The following AGAP1 variants were observed in gnomAD, a reference collection of about 807,000 sequenced individuals.
AGAP1 encodes the protein arf-GAP with GTPase, ANK repeat and PH domain-containing protein 1.
In AGAP1, 29 loss-of-function variants were observed where a neutral mutation model predicts 105.3. That is an observed-to-expected ratio of 0.28 (90% confidence interval 0.21 to 0.38). The LOEUF (loss-of-function observed/expected upper bound fraction) is 0.38, where lower values mean the gene tolerates loss of function less well. AGAP1 is among the 10% of genes least tolerant of loss of function. AGAP1 has a pLI of 1.00. For missense variants in AGAP1, 998 were observed against 1,165.1 expected, an observed-to-expected ratio of 0.86 and a Z score of 2.09; for synonymous variants, 509 against 485.9, an observed-to-expected ratio of 1.05 and a Z score of -0.63.
Position 235,615,910 on chromosome 2 carries a change from G to A in AGAP1, c.164-93269G>A, listed in dbSNP as rs2149262523. Among the ~76,000 whole-genome samples, 1 of 152,158 alleles carries A rather than the reference G, an allele frequency of 6.6e-6. No individual in the cohort carries two copies. Among genetic ancestry groups the A allele is most frequent in the African/African-American group, 2.4e-5 (1 of 41,514 alleles). The stretch of plus-strand genomic sequence containing the variant: ...AACAAAAATATGTATTACATATAGA[G>A]CATTGTCTTCTATATGTAAAGAGTT... On this transcript the variant is annotated intron_variant, in intron 1 of 17. Coordinates refer to ENST00000304032, the MANE Select transcript of AGAP1 (RefSeq NM_001037131.3). This position sits in a 1 kb window ranked among gnomAD's most constrained non-coding sequence, Gnocchi z 5.0.
At chr2:235,876,846 C>CTTTTT in intron 9 of AGAP1, among the ~76,000 whole-genome samples, 1 of 131,504 alleles carries the variant, frequency 7.6e-6, no homozygotes, top group Non-Finnish European at 1.6e-5. Flanking sequence ...GGTGTGGAAC[C>CTTTTT]TTTTTTTTTT....
chr2:235,699,274 G>A (rs974179962), intron 1 of AGAP1, among the ~76,000 whole-genome samples: 11 of 152,276 alleles, frequency 7.2e-5, no homozygotes, highest in Non-Finnish European at 1.5e-4. Flanking sequence ...GAGACCTCCT[G>A]TAGATACAGG....
intron 1 of AGAP1, among the ~76,000 whole-genome samples, chr2:235,509,716 CTG>C (rs1263015563): frequency 6.6e-6 from 1 of 152,080 alleles, no homozygotes; most frequent in Non-Finnish European, 1.5e-5. Flanking sequence ...CTGTCTGTCA[CTG>C]TGGATTAGTT....
intron 1 of AGAP1, among the ~76,000 whole-genome samples, chr2:235,496,397 G>T (rs1317962080): frequency 6.6e-6 from 1 of 152,188 alleles, no homozygotes; most frequent in East Asian, 1.9e-4. Flanking sequence ...ATGAGTGGCG[G>T]TGGGACCTGG....
At position 235,599,128 on chromosome 2, in the gene AGAP1, C is replaced by G. The variant is rs898084501; in HGVS notation, c.163+104279C>G. Among the ~76,000 whole-genome samples, 1 of 152,146 alleles carries G rather than the reference C, an allele frequency of 6.6e-6. No individual in the cohort carries two copies. Among genetic ancestry groups the G allele is most frequent in the Non-Finnish European group, 1.5e-5 (1 of 68,040 alleles). On this transcript the variant is annotated intron_variant, in intron 1 of 17. Coordinates refer to ENST00000304032, the MANE Select transcript of AGAP1 (RefSeq NM_001037131.3). The surrounding 1 kb of genome is among the most constrained non-coding windows in gnomAD (Gnocchi z 5.3). ...CATTTGAGATGCTGCTTCTATTTTT[C>G]CTTGTGGAGAACTTACTTGACGCCA...
chr2:235,688,912 A>T (rs1162569217), intron 1 of AGAP1, among the ~76,000 whole-genome samples: 1 of 152,162 alleles, frequency 6.6e-6, no homozygotes, highest in African/African-American at 2.4e-5. Context: ...GCTGTGTCAC[A>T]GTAACGCAAT....
chr2:235,843,945 T>A lies in AGAP1; in HGVS notation c.1050+36614T>A, dbSNP rs1345189400. On this transcript the variant is annotated intron_variant, in intron 9 of 17. Transcript: ENST00000304032. This position sits in a 1 kb window ranked among gnomAD's most constrained non-coding sequence, Gnocchi z 5.9. Reference sequence around the variant, plus strand: ...CCTGCTTCCCAGCATGGCCTCACATTGTCATCAGTGTCACTCAGGACCTTG... The same window carrying A: ...CCTGCTTCCCAGCATGGCCTCACATAGTCATCAGTGTCACTCAGGACCTTG... Among the ~76,000 whole-genome samples, 1 of 152,212 alleles carries A rather than the reference T, an allele frequency of 6.6e-6. No individual in the cohort carries two copies. Among genetic ancestry groups the A allele is most frequent in the Admixed American group, 6.5e-5 (1 of 15,290 alleles).
At chr2:235,648,107 A>C (rs1559312842) in intron 1 of AGAP1, among the ~76,000 whole-genome samples, 1 of 152,178 alleles carries the variant, frequency 6.6e-6, no homozygotes, top group Non-Finnish European at 1.5e-5. Context: ...GCTTTAGCTA[A>C]TTACATTGTG....
intron 1 of AGAP1, among the ~76,000 whole-genome samples, chr2:235,571,932 TTGTGTG>T (rs141898525): frequency 2.8e-4 from 29 of 103,656 alleles, no homozygotes; most frequent in South Asian, 8.5e-4. Context: ...TGCCCACACT[TTGTGTG>T]TGTGTGTGTG....
Position 235,960,855 on chromosome 2 carries a change from C to T in AGAP1, c.1484-7607C>T, listed in dbSNP as rs958428044. Among the ~76,000 whole-genome samples, 1 of 152,280 alleles carries T rather than the reference C, an allele frequency of 6.6e-6. No individual in the cohort carries two copies. Reference sequence around the variant, plus strand: ...CAGTCGTTCGCCTAAAAATAGATTCCAAATGGTTGGAAACTCATAGGACAG... The same window carrying T: ...CAGTCGTTCGCCTAAAAATAGATTCTAAATGGTTGGAAACTCATAGGACAG... On this transcript the variant is annotated intron_variant, in intron 12 of 17. Coordinates refer to ENST00000304032, the MANE Select transcript of AGAP1 (RefSeq NM_001037131.3). The surrounding 1 kb of genome is among the most constrained non-coding windows in gnomAD (Gnocchi z 4.9).
rs1443611367 is a variant in AGAP1 at position 236,095,770 on chromosome 2, CT to C, written c.2115-24421del. Among the ~76,000 whole-genome samples, 1 of 152,124 alleles carries C rather than the reference CT, an allele frequency of 6.6e-6. No homozygotes were observed. The highest frequency in any genetic ancestry group is 2.4e-5 in the African/African-American group (1 of 41,424). ...TATGAAGAAGTATATTAGTTCAGGG[CT>C]AGATTATGGATAGTTGCACAGAGAT... On this transcript the variant is annotated intron_variant, in intron 16 of 17. Coordinates refer to ENST00000304032, the MANE Select transcript of AGAP1 (RefSeq NM_001037131.3). This position sits in a 1 kb window ranked among gnomAD's most constrained non-coding sequence, Gnocchi z 4.1.
chr2:235,758,134 G>A (rs183735190), intron 6 of AGAP1, among the ~76,000 whole-genome samples: 1 of 150,472 alleles, frequency 6.6e-6, no homozygotes, highest in East Asian at 1.9e-4. Context: ...TAGTGTGTGT[G>A]TGCATGCGTG....
rs2059597139 is a variant in AGAP1, at chr2:236,109,717, A to G, written c.2115-10475A>G. Among the ~76,000 whole-genome samples the G allele has an allele frequency of 6.6e-6, 1 of 152,198 alleles. No homozygotes were observed. The highest frequency in any genetic ancestry group is 1.5e-5 in the Non-Finnish European group (1 of 68,032). ...GAAACGTTCTGGATCCGAGCATCCC[A>G]GGGTAGCAGCTGCCAACCACATACT... On this transcript the variant is annotated intron_variant, in intron 16 of 17. Coordinates refer to ENST00000304032, the MANE Select transcript of AGAP1 (RefSeq NM_001037131.3). The surrounding 1 kb of genome is among the most constrained non-coding windows in gnomAD (Gnocchi z 5.4).
In AGAP1 at chr2:236,125,873, T is replaced by G. The variant is rs1430096377; in HGVS notation, c.*1751T>G. 1 of 152,078 alleles carries G rather than the reference T, an allele frequency of 6.6e-6. No individual in the cohort carries two copies. The highest frequency in any genetic ancestry group is 2.4e-5 in the African/African-American group (1 of 41,394). 9.4% of individuals were successfully genotyped at this position (152,078 alleles called of 1,614,324 possible). On this transcript the variant is annotated 3_prime_UTR_variant, in exon 18 of 18. Transcript: ENST00000304032. The surrounding 1 kb of genome is among the most constrained non-coding windows in gnomAD (Gnocchi z 5.2). The stretch of plus-strand genomic sequence containing the variant: ...AGCTTTGCCTAGAGCTCATTGACAG[T>G]GTGATGGGGGGAGAAGGGTTGTCAC...
rs1941222752 is a variant in AGAP1, at chr2:235,494,594, G to A, written c.-93G>A. The A allele has an allele frequency of 2.2e-6, 1 of 457,402 alleles. No homozygotes were observed. The highest frequency in any genetic ancestry group is 2.8e-6 in the Non-Finnish European group (1 of 353,454). 28.3% of individuals were successfully genotyped at this position (457,402 alleles called of 1,614,324 possible). A position where few individuals can be genotyped will look rare whatever the true frequency, so the allele number is the denominator to read the frequency against. ...CCGCCGGCGGGCCCGGCTCCCCGGG[G>A]GCTGCGGCGCCCCGGGCTCGGCGGC... On this transcript the variant is annotated 5_prime_UTR_variant, in exon 1 of 18. Coordinates refer to ENST00000304032, the MANE Select transcript of AGAP1 (RefSeq NM_001037131.3).
rs1944343617 is a variant in AGAP1 at position 235,566,280 on chromosome 2, G to A, written c.163+71431G>A. ...CTAATTTTGTATTTTTAGTACAGAC[G>A]GAGTTTCTCCATGTTTGTCAGGCTG... On this transcript the variant is annotated intron_variant, in intron 1 of 17. Transcript: ENST00000304032. The surrounding 1 kb of genome is among the most constrained non-coding windows in gnomAD (Gnocchi z 5.2). Among the ~76,000 whole-genome samples, 1 of 152,002 alleles carries A rather than the reference G, an allele frequency of 6.6e-6. No individual in the cohort carries two copies.
intron 12 of AGAP1, among the ~76,000 whole-genome samples, chr2:235,932,138 T>G (rs1055562357): frequency 5.9e-5 from 9 of 152,238 alleles, no homozygotes; most frequent in Non-Finnish European, 7.3e-5. Flanking sequence ...GTTTACTCTC[T>G]TTGTAACCAC....
chr2:235,673,149 T>C (rs181642606), intron 1 of AGAP1, among the ~76,000 whole-genome samples: 43 of 152,364 alleles, frequency 2.8e-4, no homozygotes, highest in Admixed American at 1.8e-3. Flanking sequence ...CATGTCAATA[T>C]TCTTAGGATT....
In AGAP1 at chr2:235,804,537, G is replaced by C. The variant is rs150413070; in HGVS notation, c.958-2702G>C. Among the ~76,000 whole-genome samples the C allele has an allele frequency of 2.2e-3, 340 of 152,326 alleles. 1 individual carries two copies. The highest frequency in any genetic ancestry group is 7.8e-3 in the African/African-American group (323 of 41,576). On this transcript the variant is annotated intron_variant, in intron 8 of 17. Coordinates refer to ENST00000304032, the MANE Select transcript of AGAP1 (RefSeq NM_001037131.3). ...CGTTGACTTAGCCACTGGTTGAAAG[G>C]GGGTAAACGGGCTTCTCTTTGATAC...
Sources: gnomAD v4.1 joint callset for allele counts (sites outside exome capture counted in the v4.1 genomes callset) on GRCh38, gnomAD v4.1.1 for gene constraint, Gnocchi (gnomAD v3.1) non-coding constraint, MANE v1.5 for transcripts, NCBI Gene and HGNC (gene_info 2026-07-23, HGNC 2026-07-21) for gene names.